CACNA1A: variants seen among roughly 807,000 people sequenced by gnomAD.
CACNA1A encodes voltage-dependent P/Q-type calcium channel subunit alpha-1A.
Under a neutral mutation model 262.4 loss-of-function variants are expected in CACNA1A, and 57 were observed. The ratio of observed to expected loss-of-function variants is 0.22; its 90% CI spans 0.18 to 0.27. The LOEUF (loss-of-function observed/expected upper bound fraction) is 0.27. CACNA1A is among the 10% of genes least tolerant of loss of function. The pLI, the probability that CACNA1A is intolerant of heterozygous loss-of-function variation, is 1.00. For synonymous variants in CACNA1A, 1,431 were observed against 1,419.3 expected (o/e 1.01, Z -0.18); for missense variants, 2,526 against 3,562.8 (o/e 0.71, Z 7.41).
chr19:13,365,700 C>G (rs1161701104), intron 4 of CACNA1A: 2 of 429,160 alleles, frequency 4.7e-6, no homozygotes, highest in African/African-American at 4.0e-5. Flanking sequence ...CAGGGTTTTG[C>G]ACTGCTGCCC....
In CACNA1A at chr19:13,298,804, G is replaced by C; in HGVS notation, c.2829C>G (p.Arg943=). 2 of 1,559,250 alleles carry C rather than the reference G, an allele frequency of 1.3e-6. No individual in the cohort carries two copies. The highest frequency in any genetic ancestry group is 1.7e-6 in the Non-Finnish European group (2 of 1,163,770). Residue 943 remains arginine (R), a synonymous_variant, in exon 19 of 47, where the codon CGC becomes CGG. Transcript: ENST00000360228. The part of the protein sequence containing the change: ...VHRQGGSRES[R]SGSPRTGADG... ...CCGCGCCCGTGCGCGGGGACCCGCT[G>C]CGGCTCTCCCTGCTGCCCCCCTGCC...
chr19:13,241,658 G>T lies in CACNA1A; in HGVS notation c.4950+3524C>A, dbSNP rs1347104818. 1 of 666,118 alleles carries T rather than the reference G, an allele frequency of 1.5e-6. No individual in the cohort carries two copies. Among genetic ancestry groups the T allele is most frequent in the East Asian group, 2.8e-5 (1 of 35,720 alleles). The allele number at this position is 666,118 out of a possible 1,614,324, so 41.3% of individuals were successfully genotyped here. Reference sequence around the variant, plus strand: ...GGGTTTCGGTTCCCGGGCGGGGAGTGGGGGTGGTGGTGGCGGTGGGTTGGG... The same window carrying T: ...GGGTTTCGGTTCCCGGGCGGGGAGTTGGGGTGGTGGTGGCGGTGGGTTGGG... On this transcript the variant is annotated intron_variant, in intron 31 of 46. Transcript: ENST00000360228. The surrounding 1 kb of genome is among the most constrained non-coding windows in gnomAD (Gnocchi z 4.0).
chr19:13,261,955 A>G (rs774504443), intron 25 of CACNA1A: 9 of 211,954 alleles, frequency 4.2e-5, no homozygotes, highest in Middle Eastern at 1.9e-3. Flanking sequence ...AGTTGCTACC[A>G]TGTTAACACC....
intron 1 of CACNA1A, among the ~76,000 whole-genome samples, chr19:13,495,218 A>T (rs182267757): frequency 6.6e-6 from 1 of 152,236 alleles, no homozygotes; most frequent in Admixed American, 6.5e-5. Flanking sequence ...CTTTGGGGGG[A>T]TGTGAGGAAG....
intron 1 of CACNA1A, among the ~76,000 whole-genome samples, chr19:13,459,538 A>T (rs1188710000): frequency 6.6e-6 from 1 of 152,238 alleles, no homozygotes; most frequent in African/African-American, 2.4e-5. Flanking sequence ...GCTGACAGGC[A>T]TTAGGAGCCC....
At chr19:13,424,952 G>A (rs554444783) in intron 3 of CACNA1A, among the ~76,000 whole-genome samples, 3 of 151,946 alleles carry the variant, frequency 2.0e-5, no homozygotes, top group Middle Eastern at 3.4e-3. Flanking sequence ...TTACAGGCAC[G>A]CACCACCACA....
In CACNA1A at chr19:13,393,363, A is replaced by G. The variant is rs553815352; in HGVS notation, c.540-21584T>C. The stretch of plus-strand genomic sequence containing the variant: ...TCAAGGGAAAGAAGTCAATGCATGC[A>G]TGCTGTATGACCCCATGTGCTTAAA... On this transcript the variant is annotated intron_variant, in intron 3 of 46. Coordinates refer to ENST00000360228, the MANE Select transcript of CACNA1A (RefSeq NM_001127222.2). Among the ~76,000 whole-genome samples, 3 of 152,340 alleles carry G rather than the reference A, an allele frequency of 2.0e-5. No homozygotes were observed. In the South Asian group the frequency reaches 6.2e-4, roughly 32 times the overall value.
chr19:13,280,154 T>G (rs1304305725), intron 22 of CACNA1A, among the ~76,000 whole-genome samples: 1 of 150,770 alleles, frequency 6.6e-6, no homozygotes, highest in African/African-American at 2.4e-5. Context: ...CTCTAGAAAC[T>G]TCGCTTTTGG....
At chr19:13,459,502 A>G (rs2061076173) in intron 1 of CACNA1A, among the ~76,000 whole-genome samples, 1 of 152,204 alleles carries the variant, frequency 6.6e-6, no homozygotes, top group Non-Finnish European at 1.5e-5. Context: ...GCCGACGATC[A>G]TCTCTGATTG....
At chr19:13,342,091 T>G (rs555749874) in intron 6 of CACNA1A, among the ~76,000 whole-genome samples, 58 of 152,178 alleles carry the variant, frequency 3.8e-4, no homozygotes, top group African/African-American at 1.3e-3. Flanking sequence ...TAGAGACACT[T>G]TTTCTCTTCC....
At chr19:13,257,611 G>A in intron 27 of CACNA1A, 60 bp from the exon 28 acceptor site, 2 of 1,107,576 alleles carry the variant, frequency 1.8e-6, no homozygotes, top group Non-Finnish European at 2.6e-6. Flanking sequence ...GGGACCCAAG[G>A]GGTGATGAGG....
chr19:13,423,817 G>C (rs2060355914), intron 3 of CACNA1A, among the ~76,000 whole-genome samples: 1 of 152,068 alleles, frequency 6.6e-6, no homozygotes, highest in Non-Finnish European at 1.5e-5. Context: ...ACCTGGCCAA[G>C]AGTTTTCTTC....
chr19:13,210,868 C>G, intron 43 of CACNA1A: 2 of 619,704 alleles, frequency 3.2e-6, no homozygotes, highest in Admixed American at 2.6e-5. Context: ...GCTGGGCGTC[C>G]TCTATTCCCA....
chr19:13,245,293 T>C (rs2056196736), intron 30 of CACNA1A, 28 bp from the exon 31 acceptor site: 3 of 1,591,664 alleles, frequency 1.9e-6, no homozygotes, highest in African/African-American at 1.3e-5. Context: ...AAGACAGAGA[T>C]GCCAACAGAG....
chr19:13,210,605 C>A lies in CACNA1A; in HGVS notation c.6339+12G>T. On this transcript the variant is annotated intron_variant, in intron 44 of 46. Transcript: ENST00000360228. ...GGAGCCCTGCTGGGCGCTGGGCAGGCGCGGTACATACACTGAGGTTATTCC... is the reference window on the plus strand; with the variant it reads ...GGAGCCCTGCTGGGCGCTGGGCAGGAGCGGTACATACACTGAGGTTATTCC... 6.4e-7 allele frequency: 1 copy of A among 1,560,046 alleles called. No individual in the cohort carries two copies. Among genetic ancestry groups the A allele is most frequent in the South Asian group, 1.2e-5 (1 of 84,514 alleles).
chr19:13,223,484 G>A (rs980316996), intron 38 of CACNA1A, among the ~76,000 whole-genome samples: 3 of 151,994 alleles, frequency 2.0e-5, no homozygotes, highest in Non-Finnish European at 2.9e-5. Context: ...CCACCACGTC[G>A]AGCCTACCCC....
At chr19:13,343,197 C>G (rs1423748511) in intron 6 of CACNA1A, among the ~76,000 whole-genome samples, 4 of 151,816 alleles carry the variant, frequency 2.6e-5, no homozygotes, top group Non-Finnish European at 4.4e-5. Flanking sequence ...TCTCAGCTCA[C>G]TGCAACCTCC....
rs191278645 is a variant in CACNA1A at position 13,374,478 on chromosome 19, G to A, written c.540-2699C>T. On this transcript the variant is annotated intron_variant, in intron 3 of 46. Transcript: ENST00000360228. ...TTGCCCAGGCTGGTCTAGAACTCCT[G>A]GCCTCAAGTGATCCTCTCACCTCAG... 7.2e-5 allele frequency among the ~76,000 whole-genome samples: 11 copies of A among 152,186 alleles called. 1 individual carries two copies. The highest frequency in any genetic ancestry group is 2.4e-4 in the African/African-American group (10 of 41,534).
In CACNA1A at chr19:13,286,833, T is replaced by C. The variant is rs773175873; in HGVS notation, c.3223A>G (p.Thr1075Ala). 6.2e-7 allele frequency: 1 copy of C among 1,613,602 alleles called. No individual in the cohort carries two copies. Among genetic ancestry groups the C allele is most frequent in the Middle Eastern group, 1.6e-4 (1 of 6,062 alleles). Residue 1075 changes from threonine (T) to alanine (A), a missense_variant, in exon 20 of 47, where the codon ACC becomes GCC. Around this residue, in one of 17 missense-constraint regions of CACNA1A, gnomAD observed 765 missense variants for 748.6 expected, o/e 1.02. Coordinates refer to ENST00000360228, the MANE Select transcript of CACNA1A (RefSeq NM_001127222.2). ...IDNMKNNKLA[T>A]AESAAPHGSL... is the part of the protein sequence containing the mutation. ...CCGTGGGGAGCGGCCGACTCCGCGGTGGCCAGCTTGTTGTTCTTCATGTTG... is the reference window on the plus strand; with the variant it reads ...CCGTGGGGAGCGGCCGACTCCGCGGCGGCCAGCTTGTTGTTCTTCATGTTG...
Sources: gnomAD v4.1 joint callset for allele counts (sites outside exome capture counted in the v4.1 genomes callset) on GRCh38, gnomAD v4.1.1 for gene constraint, gnomAD v4.1.1 regional missense constraint, Gnocchi (gnomAD v3.1) non-coding constraint, MANE v1.5 for transcripts, NCBI Gene and HGNC (gene_info 2026-07-23, HGNC 2026-07-21) for gene names.